Variants in CNTN5 observed in about 807,000 individuals in gnomAD.
The protein encoded by CNTN5 is contactin-5.
CNTN5 carries 77 observed loss-of-function variants against 129.1 expected under a neutral mutation model. That is an observed-to-expected ratio of 0.60 (90% CI 0.50 to 0.72). CNTN5 has a LOEUF of 0.72. Ranked by LOEUF, CNTN5 falls within the 30% of genes least tolerant of loss-of-function variation. The pLI, the probability that CNTN5 is intolerant of heterozygous loss-of-function variation, is 0.00. For synonymous variants in CNTN5, 509 were observed against 465.6 expected, an observed-to-expected ratio of 1.09 and a Z score of -1.20; for missense variants, 1,478 against 1,328.8, an observed-to-expected ratio of 1.11 and a Z score of -1.75.
At chr11:100,029,477 G>C (rs1941594920) in intron 9 of CNTN5, among the ~76,000 whole-genome samples, 1 of 152,104 alleles carries the variant, frequency 6.6e-6, no homozygotes, top group South Asian at 2.1e-4. Flanking sequence ...CAGCTACTCG[G>C]GAGGCTGAGG....
chr11:99,167,950 T>C (rs1565371989), intron 1 of CNTN5, among the ~76,000 whole-genome samples: 1 of 150,238 alleles, frequency 6.7e-6, no homozygotes, highest in Admixed American at 6.6e-5. Flanking sequence ...ATTTTTTTTT[T>C]TTGGAGATAG....
chr11:99,698,677 C>T (rs1390331010), intron 3 of CNTN5, among the ~76,000 whole-genome samples: 1 of 151,470 alleles, frequency 6.6e-6, no homozygotes, highest in Non-Finnish European at 1.5e-5. Flanking sequence ...CAAACCAATA[C>T]TCCCATTTTG....
intron 2 of CNTN5, among the ~76,000 whole-genome samples, chr11:99,454,245 T>TA: frequency 6.6e-6 from 1 of 152,210 alleles, no homozygotes; most frequent in East Asian, 1.9e-4. Context: ...TACTCAGCTA[T>TA]AAAATAATAA....
intron 3 of CNTN5, among the ~76,000 whole-genome samples, chr11:99,620,310 G>GTCTTTATC (rs1420679433): frequency 6.6e-6 from 1 of 151,252 alleles, no homozygotes; most frequent in African/African-American, 2.4e-5. Flanking sequence ...TTTTAACCTC[G>GTCTTTATC]TCTTTATCTC....
At chr11:99,954,932 A>G (rs944826469) in intron 7 of CNTN5, among the ~76,000 whole-genome samples, 2 of 152,194 alleles carry the variant, frequency 1.3e-5, no homozygotes, top group Admixed American at 6.5e-5. Flanking sequence ...CTGAGAAAAT[A>G]CCAATTTTGT....
chr11:99,539,747 T>C (rs1948033279), intron 2 of CNTN5, among the ~76,000 whole-genome samples: 1 of 152,130 alleles, frequency 6.6e-6, no homozygotes, highest in South Asian at 2.1e-4. Context: ...ATACTTCCCA[T>C]ACTATAGTCA....
At chr11:100,183,964 C>G (rs1948217596) in intron 13 of CNTN5, among the ~76,000 whole-genome samples, 1 of 152,090 alleles carries the variant, frequency 6.6e-6, no homozygotes, top group Non-Finnish European at 1.5e-5. Flanking sequence ...TCAAGGTTTT[C>G]TTGTCCTTCC....
intron 13 of CNTN5, among the ~76,000 whole-genome samples, chr11:100,151,308 A>C (rs562506922): frequency 5.3e-5 from 8 of 152,142 alleles, no homozygotes; most frequent in Non-Finnish European, 8.8e-5. Context: ...ATTACATACC[A>C]TGTTCCAGGC....
At chr11:99,615,027 A>G (rs1950717191) in intron 3 of CNTN5, among the ~76,000 whole-genome samples, 1 of 148,958 alleles carries the variant, frequency 6.7e-6, no homozygotes, top group African/African-American at 2.4e-5. Context: ...ATTTTATTAT[A>G]TATACCTATT....
In CNTN5 at chr11:100,201,563, A is replaced by G. The variant is rs533528580; in HGVS notation, c.1884+7900A>G. On this transcript the variant is annotated intron_variant, in intron 15 of 24. Transcript: ENST00000524871. ...ACATAATCGGTACTTTCTTTTATTT[A>G]TATCTTAAGGGACTGCTGTTCACAT... Among the ~76,000 whole-genome samples the G allele has an allele frequency of 2.0e-5, 3 of 152,006 alleles. No individual in the cohort carries two copies. In the East Asian group the frequency reaches 5.8e-4, roughly 30 times the overall value.
intron 3 of CNTN5, among the ~76,000 whole-genome samples, chr11:99,662,478 A>G: frequency 6.6e-6 from 1 of 151,548 alleles, no homozygotes; most frequent in Non-Finnish European, 1.5e-5. Context: ...TTTAAAACGT[A>G]ACAATGGTTA....
intron 3 of CNTN5, among the ~76,000 whole-genome samples, chr11:99,571,741 T>A (rs149717582): frequency 3.2e-3 from 494 of 152,302 alleles, no homozygotes; most frequent in Admixed American, 5.2e-3. Flanking sequence ...GTACATATCC[T>A]GGTCATACTT....
intron 3 of CNTN5, among the ~76,000 whole-genome samples, chr11:99,760,282 T>C (rs1565498955): frequency 1.3e-5 from 2 of 152,166 alleles, no homozygotes; most frequent in Non-Finnish European, 2.9e-5. Context: ...GTCACAGAAC[T>C]GTCACAATTA....
At chr11:100,020,061 A>C (rs1162504930) in intron 9 of CNTN5, among the ~76,000 whole-genome samples, 1 of 151,920 alleles carries the variant, frequency 6.6e-6, no homozygotes, top group Non-Finnish European at 1.5e-5. Flanking sequence ...ATGATTTGCA[A>C]ATATTTTCTC....
At chr11:99,815,001 C>G (rs1946537985) in intron 3 of CNTN5, among the ~76,000 whole-genome samples, 1 of 151,930 alleles carries the variant, frequency 6.6e-6, no homozygotes. Context: ...ACCATCAGCT[C>G]TCATGAGAAC....
At chr11:99,858,135 C>T (rs2135753449) in intron 6 of CNTN5, among the ~76,000 whole-genome samples, 1 of 152,140 alleles carries the variant, frequency 6.6e-6, no homozygotes, top group African/African-American at 2.4e-5. Context: ...TATGTCACGC[C>T]TCTTAATAGG....
intron 1 of CNTN5, among the ~76,000 whole-genome samples, chr11:99,158,400 G>A (rs1860437902): frequency 6.6e-6 from 1 of 151,902 alleles, no homozygotes; most frequent in African/African-American, 2.4e-5. Context: ...GCTTACCTCT[G>A]TTTTCTGGGC....
At chr11:99,529,372 C>T (rs574671746) in intron 2 of CNTN5, among the ~76,000 whole-genome samples, 1 of 152,322 alleles carries the variant, frequency 6.6e-6, no homozygotes, top group African/African-American at 2.4e-5. Flanking sequence ...GTCAACTTGG[C>T]ACCTGTAAGC....
intron 3 of CNTN5, among the ~76,000 whole-genome samples, chr11:99,583,749 A>T (rs1278461052): frequency 1.3e-5 from 2 of 152,102 alleles, no homozygotes. Context: ...TAGGAAAGGG[A>T]ATTCCTTGAC....
Sources: gnomAD v4.1 joint callset for allele counts (sites outside exome capture counted in the v4.1 genomes callset) on GRCh38, gnomAD v4.1.1 for gene constraint, MANE v1.5 for transcripts, NCBI Gene and HGNC (gene_info 2026-07-23, HGNC 2026-07-21) for gene names.